Variants in NTRK3 observed in about 807,000 individuals in gnomAD.
NTRK3 encodes the protein neurotrophic receptor tyrosine kinase 3, also known as NT-3 growth factor receptor.
A neutral mutation model predicts 91.7 loss-of-function variants in NTRK3; 24 were observed. The observed-to-expected ratio is 0.26, with a 90% confidence interval of 0.19 to 0.37. The LOEUF is 0.37. NTRK3 is among the 10% of genes least tolerant of loss of function. NTRK3 has a pLI of 1.00. For synonymous variants in NTRK3, 483 were observed against 404.0 expected, an observed-to-expected ratio of 1.20 and a Z score of -2.34; for missense variants, 880 against 1,068.9, an observed-to-expected ratio of 0.82 and a Z score of 2.46.
intron 5 of NTRK3, among the ~76,000 whole-genome samples, chr15:88,149,056 G>A (rs899902951): frequency 2.6e-5 from 4 of 152,222 alleles, no homozygotes; most frequent in Admixed American, 2.0e-4. Context: ...AAAGAGATAA[G>A]TCAAATTGCC....
chr15:88,025,903 G>A (rs1020287077), intron 14 of NTRK3, among the ~76,000 whole-genome samples: 1 of 152,310 alleles, frequency 6.6e-6, no homozygotes, highest in East Asian at 1.9e-4. Context: ...AGGCTGCAGT[G>A]AGCTGGGATT....
chr15:88,076,211 G>C (rs2047529730), intron 13 of NTRK3, among the ~76,000 whole-genome samples: 1 of 152,226 alleles, frequency 6.6e-6, no homozygotes, highest in Non-Finnish European at 1.5e-5. Flanking sequence ...TGGCAGGTAA[G>C]AGGATGTGTG....
At chr15:87,977,316 T>C (rs1374154576) in intron 14 of NTRK3, 1 of 180,790 alleles carries the variant, frequency 5.5e-6, no homozygotes, top group Non-Finnish European at 1.2e-5. Flanking sequence ...AATTTCTGTA[T>C]TTTGAATGTT....
At chr15:87,872,065 C>T (rs28446475) in exon 19 of NTRK3, 7,715 of 221,688 alleles carry the variant, frequency 0.035, 623 homozygotes, top group African/African-American at 0.16. Context: ...ACTAAATGTG[C>T]CATTTTTTTT....
At chr15:88,214,275 G>A (rs1187105490) in intron 3 of NTRK3, among the ~76,000 whole-genome samples, 4 of 152,152 alleles carry the variant, frequency 2.6e-5, no homozygotes, top group African/African-American at 9.7e-5. Context: ...TCGAATGGCT[G>A]TAGAAGAGAA....
At chr15:88,227,124 T>C (rs1206813205) in intron 3 of NTRK3, among the ~76,000 whole-genome samples, 3 of 152,166 alleles carry the variant, frequency 2.0e-5, no homozygotes, top group Non-Finnish European at 4.4e-5. Flanking sequence ...AGCTTCAGTT[T>C]GCACCTCTTA....
chr15:88,059,635 A>G (rs1349441886), intron 13 of NTRK3, among the ~76,000 whole-genome samples: 1 of 152,128 alleles, frequency 6.6e-6, no homozygotes, highest in Non-Finnish European at 1.5e-5. Context: ...ACCATTTTCC[A>G]TAACACCCAT....
At chr15:87,930,788 C>A (rs112134595) in intron 16 of NTRK3, among the ~76,000 whole-genome samples, 17 of 152,282 alleles carry the variant, frequency 1.1e-4, no homozygotes, top group African/African-American at 4.1e-4. Context: ...TTAATGGAAC[C>A]TACTGGGAAT....
chr15:88,189,265 A>G (rs779443608), intron 3 of NTRK3, among the ~76,000 whole-genome samples: 1 of 152,176 alleles, frequency 6.6e-6, no homozygotes, highest in Non-Finnish European at 1.5e-5. Flanking sequence ...TTAGTGACTC[A>G]TAACAGCAAC....
chr15:87,974,674 G>A (rs576462381), intron 14 of NTRK3, among the ~76,000 whole-genome samples: 1 of 152,256 alleles, frequency 6.6e-6, no homozygotes, highest in African/African-American at 2.4e-5. Context: ...CCAACTGTAA[G>A]ACATGTGATT....
At chr15:87,954,007 AGTGT>A (rs61653896) in intron 14 of NTRK3, among the ~76,000 whole-genome samples, 23,700 of 127,472 alleles carry the variant, frequency 0.19, 1,805 homozygotes, top group Admixed American at 0.22. Flanking sequence ...AGACCTTTTC[AGTGT>A]GTGTGTGTGT....
chr15:88,189,418 CTT>C (rs10588011), intron 3 of NTRK3, among the ~76,000 whole-genome samples: 2,569 of 147,084 alleles, frequency 0.017, 66 homozygotes, highest in African/African-American at 0.051. Flanking sequence ...ATTGCAATTC[CTT>C]TTTTTTTTTT....
chr15:88,072,349 A>T, intron 13 of NTRK3: 1 of 195,430 alleles, frequency 5.1e-6, no homozygotes. Context: ...CGGGAGTCCC[A>T]GAGCAGAGTG....
intron 13 of NTRK3, among the ~76,000 whole-genome samples, chr15:88,051,549 T>A (rs1054732342): frequency 6.6e-6 from 1 of 152,252 alleles, no homozygotes; most frequent in African/African-American, 2.4e-5. Context: ...GCTGCTCTGT[T>A]AACTAATGCC....
intron 10 of NTRK3, among the ~76,000 whole-genome samples, chr15:88,129,593 G>T (rs1042843799): frequency 2.0e-5 from 3 of 152,190 alleles, no homozygotes; most frequent in African/African-American, 7.2e-5. Flanking sequence ...AAGGAGTGAG[G>T]ATTCCTTGGA....
chr15:88,136,361 T>A, intron 8 of NTRK3, 106 bp downstream of exon 8: 1 of 1,395,178 alleles, frequency 7.2e-7, no homozygotes, highest in Non-Finnish European at 1.0e-6. Flanking sequence ...CCCAAGTCTA[T>A]GTGTTTTTTC....
chr15:88,038,159 G>A (rs1016703889), intron 13 of NTRK3, among the ~76,000 whole-genome samples: 2 of 152,198 alleles, frequency 1.3e-5, no homozygotes, highest in African/African-American at 2.4e-5. Flanking sequence ...TGAGAATTGG[G>A]ATGGGAGTGA....
At chr15:87,918,068 C>A (rs137907062) in intron 17 of NTRK3, among the ~76,000 whole-genome samples, 111 of 152,060 alleles carry the variant, frequency 7.3e-4, no homozygotes, top group African/African-American at 2.5e-3. Context: ...TGGCTTTGAG[C>A]CTGTGGGACC....
intron 3 of NTRK3, among the ~76,000 whole-genome samples, chr15:88,209,406 A>G (rs2049053848): frequency 2.0e-5 from 3 of 152,240 alleles, no homozygotes. Flanking sequence ...GCTATTTGGA[A>G]GACCACATGG....
Sources: gnomAD v4.1 joint callset for allele counts (sites outside exome capture counted in the v4.1 genomes callset) on GRCh38, gnomAD v4.1.1 for gene constraint, MANE v1.5 for transcripts, NCBI Gene and HGNC (gene_info 2026-07-23, HGNC 2026-07-21) for gene names.